Variants in ROR1 observed in about 807,000 individuals in gnomAD.
ROR1 encodes ROR family WNT receptor 1.
Under a neutral mutation model 78.8 loss-of-function variants are expected in ROR1, and 19 were observed. That is an observed-to-expected ratio of 0.24 (90% CI 0.17 to 0.35). The LOEUF (loss-of-function observed/expected upper bound fraction) is 0.35, where lower values mean the gene tolerates loss of function less well. Ranked by LOEUF, ROR1 falls within the 10% of genes least tolerant of loss-of-function variation. The probability of loss-of-function intolerance (pLI) is 1.00; values close to 1 mark genes in which losing one functional copy is unlikely to be tolerated. For synonymous variants in ROR1, 386 were observed against 433.6 expected (o/e 0.89, Z 1.36); for missense variants, 917 against 1,177.8 (o/e 0.78, Z 3.24).
At chr1:64,005,307 A>G (rs1202395420) in intron 1 of ROR1, among the ~76,000 whole-genome samples, 1 of 152,176 alleles carries the variant, frequency 6.6e-6, no homozygotes, top group African/African-American at 2.4e-5. Context: ...TGCTGCTCCC[A>G]TTTTATGGAT....
At position 63,992,180 on chromosome 1, in the gene ROR1, AATT is replaced by A. The variant is rs569361556; in HGVS notation, c.92-17107_92-17105del. Among the ~76,000 whole-genome samples, 25 of 151,184 alleles carry A rather than the reference AATT, an allele frequency of 1.7e-4. No homozygotes were observed. The East Asian group carries it at 1.7e-3, about 11-fold the overall frequency. On this transcript the variant is annotated intron_variant, in intron 1 of 8. Coordinates refer to ENST00000371079, the MANE Select transcript of ROR1 (RefSeq NM_005012.4). ...GGAACAAATATCTGTGGAATAGGTT[AATT>A]ATTATTATTATTATTATATTTATTT...
chr1:63,858,134 A>G (rs939407233), intron 1 of ROR1, among the ~76,000 whole-genome samples: 3 of 152,160 alleles, frequency 2.0e-5, no homozygotes, highest in Admixed American at 6.5e-5. Context: ...GAGTTATTGT[A>G]TCTGTATCTT....
chr1:63,862,361 T>A lies in ROR1; in HGVS notation c.91+87853T>A, dbSNP rs117841081. 7.2e-4 allele frequency among the ~76,000 whole-genome samples: 94 copies of A among 130,936 alleles called. 1 individual carries two copies. The East Asian group carries it at 0.02, about 28-fold the overall frequency. The allele number at this position is 130,936 out of a possible 152,430, so 85.9% of individuals were successfully genotyped here. ...GTGAGCCAAGATCATACCACTGTAT[T>A]CCACCCTGGGAGACAGAGTGAGACT... is the stretch of plus-strand genomic sequence containing the variant. On this transcript the variant is annotated intron_variant, in intron 1 of 8. Coordinates refer to ENST00000371079, the MANE Select transcript of ROR1 (RefSeq NM_005012.4).
chr1:64,074,248 G>T (rs1323652732), intron 4 of ROR1, among the ~76,000 whole-genome samples: 4 of 152,094 alleles, frequency 2.6e-5, no homozygotes, highest in Non-Finnish European at 5.9e-5. Context: ...AAAGTCACTG[G>T]ACTTGTCAGT....
At chr1:64,112,329 A>G (rs1361003026) in intron 4 of ROR1, 2 of 152,140 alleles carry the variant, frequency 1.3e-5, no homozygotes, top group African/African-American at 4.8e-5. Flanking sequence ...TCATAACCAC[A>G]TGAAGCAGTA....
intron 1 of ROR1, among the ~76,000 whole-genome samples, chr1:63,934,779 C>T (rs1645781077): frequency 6.6e-6 from 1 of 152,046 alleles, no homozygotes; most frequent in African/African-American, 2.4e-5. Flanking sequence ...AATGTCTGGG[C>T]CTGAGAAGAT....
intron 1 of ROR1, among the ~76,000 whole-genome samples, chr1:63,785,672 C>T (rs374426344): frequency 2.6e-5 from 4 of 151,744 alleles, no homozygotes; most frequent in Non-Finnish European, 5.9e-5. Flanking sequence ...ATTACAGGCG[C>T]CTGCCACCAC....
At chr1:63,797,438 C>T (rs1049975468) in intron 1 of ROR1, among the ~76,000 whole-genome samples, 6 of 152,132 alleles carry the variant, frequency 3.9e-5, no homozygotes, top group South Asian at 4.1e-4. Flanking sequence ...TGAATTTTCC[C>T]GAGTTCCTCC....
At chr1:63,921,848 G>A (rs1008955404) in intron 1 of ROR1, among the ~76,000 whole-genome samples, 2 of 152,162 alleles carry the variant, frequency 1.3e-5, no homozygotes, top group African/African-American at 4.8e-5. Context: ...GACTGCAGAA[G>A]TGAGACAGGA....
At chr1:63,909,969 T>C (rs1181526243) in intron 1 of ROR1, among the ~76,000 whole-genome samples, 1 of 151,822 alleles carries the variant, frequency 6.6e-6, no homozygotes, top group Non-Finnish European at 1.5e-5. Flanking sequence ...TGTGGGAGAG[T>C]GAGGAAAACA....
intron 7 of ROR1, among the ~76,000 whole-genome samples, chr1:64,144,593 C>A (rs1649426248): frequency 6.6e-6 from 1 of 152,200 alleles, no homozygotes; most frequent in African/African-American, 2.4e-5. Flanking sequence ...CTCATTCAAT[C>A]TTCATATCCA....
intron 4 of ROR1, among the ~76,000 whole-genome samples, chr1:64,073,256 C>T (rs1285526130): frequency 6.6e-6 from 1 of 152,114 alleles, no homozygotes; most frequent in Non-Finnish European, 1.5e-5. Context: ...AAATACTAGC[C>T]ACTTGGGGGT....
At chr1:63,959,664 C>A (rs1341163950) in intron 1 of ROR1, among the ~76,000 whole-genome samples, 1 of 152,150 alleles carries the variant, frequency 6.6e-6, no homozygotes, top group East Asian at 1.9e-4. Flanking sequence ...GTTGTGTGCA[C>A]CATCTTTGCT....
chr1:63,868,373 G>T (rs568516136), intron 1 of ROR1, among the ~76,000 whole-genome samples: 12 of 152,132 alleles, frequency 7.9e-5, no homozygotes, highest in Non-Finnish European at 1.8e-4. Flanking sequence ...TTGTCACCTA[G>T]TAAGAGACAG....
intron 4 of ROR1, among the ~76,000 whole-genome samples, chr1:64,109,113 G>T (rs967001517): frequency 7.9e-5 from 12 of 152,036 alleles, no homozygotes; most frequent in African/African-American, 2.9e-4. Flanking sequence ...CTGGCAATCT[G>T]CATCTTTAGT....
At chr1:63,981,463 AG>A (rs1464847318) in intron 1 of ROR1, among the ~76,000 whole-genome samples, 2 of 152,270 alleles carry the variant, frequency 1.3e-5, no homozygotes, top group Admixed American at 1.3e-4. Flanking sequence ...TTTTAAGGGC[AG>A]GGTTTCCTTG....
At chr1:63,863,804 T>TTGTAA (rs1273822103) in intron 1 of ROR1, among the ~76,000 whole-genome samples, 2,206 of 120,968 alleles carry the variant, frequency 0.018, 254 homozygotes, top group African/African-American at 0.07. Context: ...TTGTATTGTA[T>TTGTAA]CATAGATGGC....
chr1:63,788,328 T>C (rs966566873), intron 1 of ROR1, among the ~76,000 whole-genome samples: 1 of 152,202 alleles, frequency 6.6e-6, no homozygotes, highest in Non-Finnish European at 1.5e-5. Flanking sequence ...CATTCAGAGA[T>C]AACTTCTGAT....
At chr1:63,846,695 G>A (rs1055074524) in intron 1 of ROR1, among the ~76,000 whole-genome samples, 1 of 152,170 alleles carries the variant, frequency 6.6e-6, no homozygotes, top group South Asian at 2.1e-4. Context: ...CAACTGCGCG[G>A]CTTGATACTT....
Sources: allele counts gnomAD v4.1 joint callset (sites outside exome capture counted in the v4.1 genomes callset), GRCh38; gene constraint gnomAD v4.1.1; transcripts MANE v1.5; gene names NCBI Gene and HGNC (gene_info 2026-07-23, HGNC 2026-07-21).